The following XXYLT1 variants were observed in gnomAD, a reference collection of about 807,000 sequenced individuals.
The protein encoded by XXYLT1 is UDP-xylose:alpha-xyloside alpha-1,3-xylosyltransferase.
Under a neutral mutation model 28.9 loss-of-function variants are expected in XXYLT1, and 20 were observed. That is an observed-to-expected ratio of 0.69 (90% confidence interval 0.49 to 1.00). The LOEUF is 1.00. XXYLT1 is among the 50% of genes least tolerant of loss of function. The probability of loss-of-function intolerance (pLI) is 0.00; values close to 1 mark genes in which losing one functional copy is unlikely to be tolerated. For missense variants in XXYLT1, 542 were observed against 560.1 expected (o/e 0.97, Z 0.33); for synonymous variants, 257 against 253.8 (o/e 1.01, Z -0.12).
intron 3 of XXYLT1, among the ~76,000 whole-genome samples, chr3:195,079,171 G>C (rs1406412000): frequency 6.6e-6 from 1 of 152,180 alleles, no homozygotes; most frequent in Non-Finnish European, 1.5e-5. Flanking sequence ...AGCTGTAGAG[G>C]GCAAGGACTT....
At chr3:195,148,619 T>C (rs895621075) in intron 3 of XXYLT1, among the ~76,000 whole-genome samples, 6 of 152,202 alleles carry the variant, frequency 3.9e-5, no homozygotes, top group Non-Finnish European at 7.3e-5. Flanking sequence ...ACAACGGACC[T>C]GAATTTATAT....
chr3:195,225,132 C>T (rs1014618528), intron 2 of XXYLT1, among the ~76,000 whole-genome samples: 13 of 152,276 alleles, frequency 8.5e-5, no homozygotes, highest in Admixed American at 1.3e-4. Context: ...CACCTGTAAC[C>T]CCACAGGATG....
intron 1 of XXYLT1, among the ~76,000 whole-genome samples, chr3:195,253,210 T>C (rs954930122): frequency 6.6e-6 from 1 of 152,128 alleles, no homozygotes; most frequent in Non-Finnish European, 1.5e-5. Context: ...ACTCCTCTCC[T>C]GGGGCAGTGA....
At chr3:195,127,772 A>ATGTGAGTGTGTGTG (rs1718710795) in intron 3 of XXYLT1, among the ~76,000 whole-genome samples, 1 of 151,434 alleles carries the variant, frequency 6.6e-6, no homozygotes, top group African/African-American at 2.4e-5. Flanking sequence ...GTGAGACAAA[A>ATGTGAGTGTGTGTG]TGTGTGTGTG....
chr3:195,088,489 C>G (rs1389963701), intron 3 of XXYLT1, among the ~76,000 whole-genome samples: 1 of 139,798 alleles, frequency 7.2e-6, no homozygotes, highest in Non-Finnish European at 1.6e-5. Flanking sequence ...GGAAAACTAA[C>G]AAACAGAAAG....
At chr3:195,110,909 T>A (rs925015772) in intron 3 of XXYLT1, among the ~76,000 whole-genome samples, 4 of 38,842 alleles carry the variant, frequency 1.0e-4, no homozygotes. Context: ...GTGAGGTGTG[T>A]GGTGTGTGTG....
rs770420335 is a variant in XXYLT1 at position 195,069,734 on chromosome 3, G to A, written c.1163C>T (p.Thr388Ile). The A allele has an allele frequency of 3.1e-6, 5 of 1,613,388 alleles. No homozygotes were observed. The Admixed American group carries it at 8.3e-5, about 27-fold the overall frequency. The change falls in exon 4 of 4, where the codon ACT becomes ATT. Residue 388 changes from threonine (T) to isoleucine (I), a missense_variant. Physicochemically the swap from Thr to Ile is moderately conservative, Grantham distance 89. Transcript: ENST00000310380. ...GAGCGCCTAGTCCTCCGGGATGGGA[G>A]TGTTGCAGTTCCCGTGGTAGATCTT... is the stretch of plus-strand genomic sequence containing the variant. ...HVKIYHGNCN[T>I]PIPED
chr3:195,214,840 G>T (rs1212633628), intron 2 of XXYLT1: 1 of 152,220 alleles, frequency 6.6e-6, no homozygotes, highest in Admixed American at 6.5e-5. Context: ...GAGAAGATTA[G>T]CATGGCCCCT....
Position 195,069,667 on chromosome 3 carries a change from G to A in XXYLT1, c.*48C>T. On this transcript the variant is annotated 3_prime_UTR_variant, in exon 4 of 4. Transcript: ENST00000310380. The stretch of plus-strand genomic sequence containing the variant: ...CCTTGGGTCTGTCCCAAGGAACCCT[G>A]TCCTTCCCCCAGATCTGGAGGCCCC... 1 of 1,566,582 alleles carries A rather than the reference G, an allele frequency of 6.4e-7. No homozygotes were observed. The highest frequency in any genetic ancestry group is 8.6e-7 in the Non-Finnish European group (1 of 1,160,756).
rs71317952 is a variant in XXYLT1, at chr3:195,240,520, C to T, written c.505-13664G>A. On this transcript the variant is annotated intron_variant, in intron 1 of 3. Coordinates refer to ENST00000310380, the MANE Select transcript of XXYLT1 (RefSeq NM_152531.5). This position sits in a 1 kb window ranked among gnomAD's most constrained non-coding sequence, Gnocchi z 4.7. ...TGGGAGTCAGGTCGCAGCCACACTCCTGAGCCAAGAAGGCACGTGGCAAGG... is the reference window on the plus strand; with the variant it reads ...TGGGAGTCAGGTCGCAGCCACACTCTTGAGCCAAGAAGGCACGTGGCAAGG... Among the ~76,000 whole-genome samples the T allele has an allele frequency of 6.6e-6, 1 of 152,276 alleles. No individual in the cohort carries two copies. Among genetic ancestry groups the T allele is most frequent in the African/African-American group, 2.4e-5 (1 of 41,466 alleles).
chr3:195,106,012 T>C (rs1717061463), intron 3 of XXYLT1, among the ~76,000 whole-genome samples: 1 of 152,256 alleles, frequency 6.6e-6, no homozygotes, highest in Admixed American at 6.5e-5. Context: ...GCGTAGCATT[T>C]AACTATTGAC....
chr3:195,143,845 T>TAG (rs1719663568), intron 3 of XXYLT1, among the ~76,000 whole-genome samples: 2 of 73,116 alleles, frequency 2.7e-5, no homozygotes, highest in African/African-American at 9.4e-5. Flanking sequence ...TAGATATAGA[T>TAG]ATATATATAG....
Position 195,129,101 on chromosome 3 carries a change from C to A in XXYLT1, c.785+27348G>T, listed in dbSNP as rs1718775841. Reference sequence around the variant, plus strand: ...TGTCAGTACTTAATGCTTGTTCTACCCTGGAAAAAATATTGTGTGGGGGGA... The same window carrying A: ...TGTCAGTACTTAATGCTTGTTCTACACTGGAAAAAATATTGTGTGGGGGGA... On this transcript the variant is annotated intron_variant, in intron 3 of 3. Coordinates refer to ENST00000310380, the MANE Select transcript of XXYLT1 (RefSeq NM_152531.5). The surrounding 1 kb of genome is among the most constrained non-coding windows in gnomAD (Gnocchi z 4.4). Among the ~76,000 whole-genome samples, 1 of 152,022 alleles carries A rather than the reference C, an allele frequency of 6.6e-6. No individual in the cohort carries two copies. The highest frequency in any genetic ancestry group is 2.1e-4 in the South Asian group (1 of 4,824).
intron 1 of XXYLT1, among the ~76,000 whole-genome samples, chr3:195,259,352 C>T (rs1725595094): frequency 6.6e-6 from 1 of 152,264 alleles, no homozygotes. Context: ...GAGTCAGAGC[C>T]GTGAAGTCAA....
intron 2 of XXYLT1, among the ~76,000 whole-genome samples, chr3:195,159,739 G>T (rs1287518027): frequency 1.3e-5 from 2 of 152,168 alleles, no homozygotes; most frequent in Non-Finnish European, 2.9e-5. Flanking sequence ...TTCTGCCTGG[G>T]TTTGAGGCCT....
intron 3 of XXYLT1, among the ~76,000 whole-genome samples, chr3:195,151,074 C>T (rs1003205835): frequency 6.6e-6 from 1 of 152,016 alleles, no homozygotes; most frequent in East Asian, 1.9e-4. Context: ...CCTCCCACCC[C>T]CTCCCTCTCT....
intron 1 of XXYLT1, among the ~76,000 whole-genome samples, chr3:195,268,662 C>T (rs1328184583): frequency 2.0e-5 from 3 of 152,010 alleles, no homozygotes; most frequent in Admixed American, 6.5e-5. Flanking sequence ...CTTATCCAAT[C>T]ACTGACATCT....
At chr3:195,238,699 T>A (rs1188608204) in intron 1 of XXYLT1, among the ~76,000 whole-genome samples, 1 of 152,060 alleles carries the variant, frequency 6.6e-6, no homozygotes, top group African/African-American at 2.4e-5. Flanking sequence ...CTGTGCTTAC[T>A]CCTAAGTGTT....
chr3:195,090,458 A>G lies in XXYLT1; in HGVS notation c.786-20347T>C, dbSNP rs368478128. Among the ~76,000 whole-genome samples, 17 of 150,188 alleles carry G rather than the reference A, an allele frequency of 1.1e-4. No individual in the cohort carries two copies. The East Asian group carries it at 1.2e-3, about 10-fold the overall frequency. On this transcript the variant is annotated intron_variant, in intron 3 of 3. Transcript: ENST00000310380. ...TACATAACGAAATGAAGGCAGAAAT[A>G]AAGATGTTCTTTGAAACCAACAAGA...
Sources: gnomAD v4.1 joint callset for allele counts (sites outside exome capture counted in the v4.1 genomes callset) on GRCh38, gnomAD v4.1.1 for gene constraint, Gnocchi (gnomAD v3.1) non-coding constraint, MANE v1.5 for transcripts, NCBI Gene and HGNC (gene_info 2026-07-23, HGNC 2026-07-21) for gene names.